The following FSIP1 variants were observed in gnomAD, a reference collection of about 807,000 sequenced individuals.
The protein encoded by FSIP1 is fibrous sheath interacting protein 1.
In FSIP1, 65 loss-of-function variants were observed where a neutral mutation model predicts 60.9. That is an observed-to-expected ratio of 1.07 (90% CI 0.87 to 1.31). FSIP1 has a LOEUF of 1.31. Ranked by LOEUF, FSIP1 falls within the 40% of genes most tolerant of loss-of-function variation. The pLI, the probability that FSIP1 is intolerant of heterozygous loss-of-function variation, is 0.00. For synonymous variants in FSIP1, 209 were observed against 221.2 expected (o/e 0.94, Z 0.49); for missense variants, 675 against 665.5 (o/e 1.01, Z -0.16).
intron 5 of FSIP1, among the ~76,000 whole-genome samples, chr15:39,759,759 C>CA (rs1323089672): frequency 6.6e-6 from 1 of 152,118 alleles, no homozygotes; most frequent in East Asian, 1.9e-4. Context: ...TGATGGTTGC[C>CA]AGCAGGCTTG....
At chr15:39,674,599 G>C (rs895748505) in intron 10 of FSIP1, among the ~76,000 whole-genome samples, 4 of 151,678 alleles carry the variant, frequency 2.6e-5, no homozygotes, top group African/African-American at 9.7e-5. Flanking sequence ...CCACACATAT[G>C]CATAACTTTA....
At chr15:39,767,864 C>T (rs1897746609) in intron 3 of FSIP1, among the ~76,000 whole-genome samples, 1 of 152,220 alleles carries the variant, frequency 6.6e-6, no homozygotes, top group Admixed American at 6.5e-5. Context: ...ACCTTGCACT[C>T]ATCCTCCAAG....
intron 7 of FSIP1, 95 bp downstream of exon 7, chr15:39,739,570 G>C (rs1449904494): frequency 8.7e-7 from 1 of 1,155,508 alleles, no homozygotes; most frequent in East Asian, 2.5e-5. Flanking sequence ...ATTTATGATG[G>C]TTGAAAAATA....
At chr15:39,756,450 C>G (rs985687149) in intron 5 of FSIP1, among the ~76,000 whole-genome samples, 1 of 152,040 alleles carries the variant, frequency 6.6e-6, no homozygotes, top group African/African-American at 2.4e-5. Context: ...ACTGCAGTCT[C>G]AAACTCGTGG....
intron 5 of FSIP1, among the ~76,000 whole-genome samples, chr15:39,758,436 G>A (rs1039017650): frequency 6.6e-6 from 1 of 151,848 alleles, no homozygotes; most frequent in Admixed American, 6.6e-5. Context: ...TTTGACTCCT[G>A]GTTTCCAAAC....
intron 11 of FSIP1, among the ~76,000 whole-genome samples, chr15:39,613,999 C>T (rs1045778760): frequency 6.6e-6 from 1 of 152,062 alleles, no homozygotes; most frequent in South Asian, 2.1e-4. Flanking sequence ...TCATACTCAA[C>T]GGTGAAAAGT....
At chr15:39,656,566 T>C (rs558556791) in intron 10 of FSIP1, among the ~76,000 whole-genome samples, 2 of 152,302 alleles carry the variant, frequency 1.3e-5, no homozygotes, top group South Asian at 4.1e-4. Context: ...GGGAAATTGC[T>C]TGATCAATAT....
chr15:39,663,120 T>C (rs1893363847), intron 10 of FSIP1, among the ~76,000 whole-genome samples: 1 of 152,186 alleles, frequency 6.6e-6, no homozygotes, highest in Non-Finnish European at 1.5e-5. Flanking sequence ...ACTGGTCTAT[T>C]GTTGTTTATT....
At chr15:39,767,185 A>G (rs1897720505) in intron 3 of FSIP1, among the ~76,000 whole-genome samples, 1 of 152,182 alleles carries the variant, frequency 6.6e-6, no homozygotes, top group African/African-American at 2.4e-5. Flanking sequence ...AGAAAGAGGA[A>G]AGCAACTTAT....
intron 10 of FSIP1, among the ~76,000 whole-genome samples, chr15:39,627,890 A>G (rs1286859031): frequency 6.6e-6 from 1 of 152,210 alleles, no homozygotes; most frequent in East Asian, 1.9e-4. Flanking sequence ...ACAATAAGCA[A>G]CAGCTTCCAA....
chr15:39,762,896 T>C (rs1897551251), intron 5 of FSIP1, among the ~76,000 whole-genome samples: 1 of 152,100 alleles, frequency 6.6e-6, no homozygotes, highest in African/African-American at 2.4e-5. Context: ...ACCACACACA[T>C]CTATTATTGA....
intron 8 of FSIP1, among the ~76,000 whole-genome samples, chr15:39,727,439 C>G (rs972013715): frequency 2.0e-5 from 3 of 152,138 alleles, no homozygotes; most frequent in African/African-American, 7.2e-5. Flanking sequence ...CCTCTGTGAG[C>G]AGGAAGGGGC....
intron 10 of FSIP1, among the ~76,000 whole-genome samples, chr15:39,688,707 C>T (rs1239864587): frequency 2.0e-5 from 3 of 152,134 alleles, no homozygotes; most frequent in Non-Finnish European, 2.9e-5. Flanking sequence ...CAGCCCTGTT[C>T]CACATTGAGT....
At chr15:39,732,587 C>G (rs1263647411) in intron 8 of FSIP1, among the ~76,000 whole-genome samples, 1 of 140,620 alleles carries the variant, frequency 7.1e-6, no homozygotes, top group Non-Finnish European at 1.5e-5. Context: ...CCATTGCACT[C>G]CAGTGTGGGT....
At chr15:39,645,373 C>A (rs1045102380) in intron 10 of FSIP1, among the ~76,000 whole-genome samples, 13 of 151,198 alleles carry the variant, frequency 8.6e-5, no homozygotes, top group Non-Finnish European at 1.9e-4. Flanking sequence ...GAGCTACGTG[C>A]CTCTGCAGCC....
chr15:39,656,797 A>G (rs1355404192), intron 10 of FSIP1, among the ~76,000 whole-genome samples: 1 of 152,236 alleles, frequency 6.6e-6, no homozygotes. Context: ...AAAGAGAAAA[A>G]AATCAAAAAA....
intron 7 of FSIP1, 112 bp downstream of exon 7, chr15:39,739,553 T>C: frequency 1.0e-6 from 1 of 988,704 alleles, no homozygotes; most frequent in East Asian, 2.6e-5. Flanking sequence ...AATTCAATCA[T>C]TTATACATTT....
chr15:39,775,080 A>G (rs1898009525), intron 2 of FSIP1, among the ~76,000 whole-genome samples: 1 of 152,224 alleles, frequency 6.6e-6, no homozygotes, highest in Non-Finnish European at 1.5e-5. Context: ...CAGTGGCACA[A>G]TCACAACTCA....
At chr15:39,687,883 C>T (rs925283308) in intron 10 of FSIP1, among the ~76,000 whole-genome samples, 11 of 152,144 alleles carry the variant, frequency 7.2e-5, no homozygotes, top group African/African-American at 2.7e-4. Flanking sequence ...TCTATATGAG[C>T]ATTTTTCCAG....
Sources: allele counts gnomAD v4.1 joint callset (sites outside exome capture counted in the v4.1 genomes callset), GRCh38; gene constraint gnomAD v4.1.1; transcripts MANE v1.5; gene names NCBI Gene and HGNC (gene_info 2026-07-23, HGNC 2026-07-21).